Variants in RC3H2 observed in about 807,000 individuals in gnomAD.
RC3H2 encodes ring finger and CCCH-type domains 2.
In RC3H2, 31 loss-of-function variants were observed where a neutral mutation model predicts 133.3. That is an observed-to-expected ratio of 0.23 (90% confidence interval 0.17 to 0.31). The LOEUF (loss-of-function observed/expected upper bound fraction) is 0.31, where lower values mean the gene tolerates loss of function less well. Among genes scored for constraint, RC3H2 ranks in the 10% least tolerant of loss-of-function variants. The pLI is 1.00. For missense variants in RC3H2, 1,175 were observed against 1,437.2 expected, an observed-to-expected ratio of 0.82 and a Z score of 2.95; for synonymous variants, 517 against 502.2, an observed-to-expected ratio of 1.03 and a Z score of -0.40.
At chr9:122,853,551 A>G (rs991828980) in intron 18 of RC3H2, among the ~76,000 whole-genome samples, 5 of 152,148 alleles carry the variant, frequency 3.3e-5, no homozygotes, top group Admixed American at 2.6e-4. Context: ...CAGGAGTTCA[A>G]GACCAGCTTA....
At chr9:122,850,449 T>TAGATAGATAGATAGATAGAC (rs977816304) in intron 20 of RC3H2, among the ~76,000 whole-genome samples, 1 of 151,774 alleles carries the variant, frequency 6.6e-6, no homozygotes, top group Non-Finnish European at 1.5e-5. Flanking sequence ...GATAGATAGA[T>TAGATAGATAGATAGATAGAC]AGATAGATAA....
At position 122,858,921 on chromosome 9, in the gene RC3H2, CGGA is replaced by C. The variant is rs1830351959; in HGVS notation, c.2028_2030del (p.Pro677del). On this transcript the variant is annotated inframe_deletion, in exon 12 of 21. Transcript: ENST00000357244. Reference sequence around the variant, plus strand: ...CTGGAGGAACTGGTCCATACGGCTGCGGAGGAGGAGGCTGGTAAGGAGAAGAAT... The same window carrying C: ...CTGGAGGAACTGGTCCATACGGCTGCGGAGGAGGCTGGTAAGGAGAAGAAT... 1.2e-6 allele frequency: 2 copies of C among 1,614,068 alleles called. No homozygotes were observed. The highest frequency in any genetic ancestry group is 1.1e-5 in the South Asian group (1 of 91,070).
chr9:122,897,761 A>G, intron 1 of RC3H2, 185 bp from the exon 2 acceptor site: 1 of 472,518 alleles, frequency 2.1e-6, no homozygotes, highest in Non-Finnish European at 3.8e-6. Context: ...CTGCCTGGAA[A>G]CAATACCTTA....
rs1377629383 is a variant in RC3H2 at position 122,856,372 on chromosome 9, C to T, written c.2455-494G>A. On this transcript the variant is annotated intron_variant, in intron 13 of 20. Coordinates refer to ENST00000357244, the MANE Select transcript of RC3H2 (RefSeq NM_001100588.3). ...GGCTCAGGTGATTTTCCCAGCTCTG[C>T]TTCCCAAGTAGCTGGGACTATAGGC... Among the ~76,000 whole-genome samples the T allele has an allele frequency of 3.3e-5, 5 of 152,208 alleles. No homozygotes were observed. In the East Asian group the frequency reaches 9.6e-4, roughly 29 times the overall value.
chr9:122,849,774 T>A lies in RC3H2; in HGVS notation c.3429A>T (p.Pro1143=). 1 of 1,589,798 alleles carries A rather than the reference T, an allele frequency of 6.3e-7. No individual in the cohort carries two copies. The highest frequency in any genetic ancestry group is 1.8e-5 in the Admixed American group (1 of 55,864). The change falls in exon 21 of 21, where the codon CCA becomes CCT. Residue 1143 remains proline (P), a synonymous_variant. Coordinates refer to ENST00000357244, the MANE Select transcript of RC3H2 (RefSeq NM_001100588.3). ...TTGCATTGCTAATAGACACTGGGAG[T>A]GGCTGGCTAAAGCAAGAAGTTACCG... ...ILPVTSCFSQ[P]LPVSISNASC...
Position 122,890,381 on chromosome 9 carries a change from T to C in RC3H2, c.514A>G (p.Asn172Asp). The change falls in exon 4 of 21, where the codon AAC becomes GAC. Residue 172 changes from asparagine (N) to aspartate (D), a missense_variant. This residue lies in a region of RC3H2 where 121 missense variants were observed against 243.5 expected (regional missense o/e 0.50). Coordinates refer to ENST00000357244, the MANE Select transcript of RC3H2 (RefSeq NM_001100588.3). Reference protein sequence around the residue: ...TVTELILQHQNPQQLSANLWA... With the variant: ...TVTELILQHQDPQQLSANLWA... ...AGATTGGCAGACAACTGCTGAGGGT[T>C]CTGGTGCTGTAATATCAGTTCTGTT... 1 of 1,614,138 alleles carries C rather than the reference T, an allele frequency of 6.2e-7. No individual in the cohort carries two copies. Among genetic ancestry groups the C allele is most frequent in the Non-Finnish European group, 8.5e-7 (1 of 1,180,018 alleles).
intron 13 of RC3H2, among the ~76,000 whole-genome samples, chr9:122,856,277 G>T (rs551998966): frequency 1.3e-5 from 2 of 152,234 alleles, no homozygotes; most frequent in South Asian, 2.1e-4. Context: ...TTGAGACAGG[G>T]TCTCACTCCC....
At chr9:122,884,017 G>A (rs902736398) in intron 4 of RC3H2, among the ~76,000 whole-genome samples, 1 of 151,888 alleles carries the variant, frequency 6.6e-6, no homozygotes, top group African/African-American at 2.4e-5. Context: ...AAATTAGGCC[G>A]GGCGCGGTGG....
At position 122,893,024 on chromosome 9, in the gene RC3H2, T is replaced by C; in HGVS notation, c.234A>G (p.Val78=). 4 of 1,578,828 alleles carry C rather than the reference T, an allele frequency of 2.5e-6. No individual in the cohort carries two copies. Among genetic ancestry groups the C allele is most frequent in the Non-Finnish European group, 3.4e-6 (4 of 1,170,226 alleles). The change falls in exon 3 of 21, where the codon GTA becomes GTG. Residue 78 remains valine, a splice_region_variant and synonymous_variant. Coordinates refer to ENST00000357244, the MANE Select transcript of RC3H2 (RefSeq NM_001100588.3). ...FALLQLVGAQ[V]PDHQSIKLSN... ...TTAACTTAATTGACTGATGATCTGGTACCTTAAAAAAAAAAAAAAAGGAAT... is the reference window on the plus strand; with the variant it reads ...TTAACTTAATTGACTGATGATCTGGCACCTTAAAAAAAAAAAAAAAGGAAT...
At position 122,844,866 on chromosome 9, in the gene RC3H2, C is replaced by T. The variant is rs1163858367; in HGVS notation, c.*4761G>A. The T allele has an allele frequency of 6.6e-6, 1 of 152,090 alleles. No individual in the cohort carries two copies. Among genetic ancestry groups the T allele is most frequent in the African/African-American group, 2.4e-5 (1 of 41,384 alleles). 9.4% of individuals were successfully genotyped at this position (152,090 alleles called of 1,614,324 possible). ...AGGGAAACATTACAATTTGGAAATTCAAATTGAAATAAATGGAATAGAATT... is the reference window on the plus strand; with the variant it reads ...AGGGAAACATTACAATTTGGAAATTTAAATTGAAATAAATGGAATAGAATT... On this transcript the variant is annotated 3_prime_UTR_variant, in exon 21 of 21. Transcript: ENST00000357244.
intron 10 of RC3H2, among the ~76,000 whole-genome samples, chr9:122,864,474 C>G (rs2131405653): frequency 6.6e-6 from 1 of 152,158 alleles, no homozygotes; most frequent in East Asian, 1.9e-4. Context: ...TCCTCGCAAC[C>G]AACATATGAA....
chr9:122,887,292 C>G (rs1309489741), intron 4 of RC3H2, among the ~76,000 whole-genome samples: 1 of 152,250 alleles, frequency 6.6e-6, no homozygotes, highest in East Asian at 1.9e-4. Flanking sequence ...TATTGTGTTT[C>G]AATCCTTTGG....
chr9:122,890,928 G>A (rs1177161395), intron 3 of RC3H2, among the ~76,000 whole-genome samples: 2 of 150,578 alleles, frequency 1.3e-5, no homozygotes, highest in Non-Finnish European at 2.9e-5. Context: ...CATCATTACA[G>A]AATAAGAACA....
At chr9:122,881,236 C>T (rs1831611192) in intron 5 of RC3H2, among the ~76,000 whole-genome samples, 1 of 151,982 alleles carries the variant, frequency 6.6e-6, no homozygotes, top group African/African-American at 2.4e-5. Flanking sequence ...CCTGTAATCC[C>T]AGCACTTTGA....
chr9:122,883,120 G>A (rs1298016499), intron 5 of RC3H2, 84 bp downstream of exon 5: 1 of 1,255,660 alleles, frequency 8.0e-7, no homozygotes, highest in Non-Finnish European at 1.1e-6. Context: ...TGCATTGCTA[G>A]GGCCTCTAGA....
intron 8 of RC3H2, among the ~76,000 whole-genome samples, chr9:122,878,841 C>T (rs1026661079): frequency 3.3e-5 from 5 of 151,614 alleles, no homozygotes; most frequent in Non-Finnish European, 5.9e-5. Flanking sequence ...CTCCATCTCC[C>T]GGGTTCAAGC....
rs1201544207 is a variant in RC3H2 at position 122,890,296 on chromosome 9, T to A, written c.583+16A>T. Reference sequence around the variant, plus strand: ...CCAATAGCTAATAAAAAAGGTAAGATAGTAACCTATCTTACCTGGCCCTAA... The same window carrying A: ...CCAATAGCTAATAAAAAAGGTAAGAAAGTAACCTATCTTACCTGGCCCTAA... On this transcript the variant is annotated intron_variant, in intron 4 of 20. Transcript: ENST00000357244. 2 of 1,608,070 alleles carry A rather than the reference T, an allele frequency of 1.2e-6. No homozygotes were observed. The highest frequency in any genetic ancestry group is 1.7e-6 in the Non-Finnish European group (2 of 1,175,102).
intron 2 of RC3H2, among the ~76,000 whole-genome samples, chr9:122,893,615 G>A (rs1329417608): frequency 6.6e-6 from 1 of 152,186 alleles, no homozygotes; most frequent in Admixed American, 6.5e-5. Context: ...TAATTTCTTG[G>A]TGTTGGATGT....
At chr9:122,893,404 G>C (rs1461634955) in intron 2 of RC3H2, among the ~76,000 whole-genome samples, 2 of 152,192 alleles carry the variant, frequency 1.3e-5, no homozygotes, top group African/African-American at 2.4e-5. Flanking sequence ...TGAGGCAGGA[G>C]AATCTCTTGA....
Sources: gnomAD v4.1 joint callset for allele counts (sites outside exome capture counted in the v4.1 genomes callset) on GRCh38, gnomAD v4.1.1 for gene constraint, gnomAD v4.1.1 regional missense constraint, MANE v1.5 for transcripts, NCBI Gene and HGNC (gene_info 2026-07-23, HGNC 2026-07-21) for gene names.